The following HPS4 variants were observed in gnomAD, a reference collection of about 807,000 sequenced individuals.
HPS4 encodes the protein BLOC-3 complex member HPS4.
A neutral mutation model predicts 70.3 loss-of-function variants in HPS4; 44 were observed. That is an observed-to-expected ratio of 0.63 (90% CI 0.49 to 0.80). HPS4 has a LOEUF of 0.80. Among genes scored for constraint, HPS4 ranks in the 30% least tolerant of loss-of-function variants. HPS4 has a pLI of 0.00. For synonymous variants in HPS4, 377 were observed against 355.9 expected (o/e 1.06, Z -0.67); for missense variants, 873 against 884.4 (o/e 0.99, Z 0.16).
At chr22:26,454,608 GACCTAAA>G (rs2085759660) in intron 13 of HPS4, among the ~76,000 whole-genome samples, 1 of 152,140 alleles carries the variant, frequency 6.6e-6, no homozygotes, top group South Asian at 2.1e-4. Context: ...TTACATGTTA[GACCTAAA>G]ACCATAAAAA....
intron 6 of HPS4, among the ~76,000 whole-genome samples, chr22:26,471,604 G>A (rs908374689): frequency 2.0e-5 from 3 of 152,170 alleles, no homozygotes; most frequent in Non-Finnish European, 4.4e-5. Context: ...ATAAAGCTCT[G>A]GGGCCAGCTA....
chr22:26,448,171 G>A (rs150719005), downstream of HPS4, among the ~76,000 whole-genome samples: 16 of 152,280 alleles, frequency 1.1e-4, no homozygotes, highest in South Asian at 4.1e-4. Context: ...ACACCCCTCC[G>A]GCCCCCAGGT....
downstream of HPS4, among the ~76,000 whole-genome samples, chr22:26,447,344 C>A (rs976936004): frequency 6.6e-6 from 1 of 152,054 alleles, no homozygotes; most frequent in Non-Finnish European, 1.5e-5. Flanking sequence ...GAGTCCTGAA[C>A]GCAGCTCTGC....
At chr22:26,462,050 G>A (rs1029930922) in intron 11 of HPS4, among the ~76,000 whole-genome samples, 7 of 151,796 alleles carry the variant, frequency 4.6e-5, no homozygotes, top group Non-Finnish European at 1.0e-4. Context: ...CGCTTGAACC[G>A]GGGAGGCGGA....
intron 4 of HPS4, among the ~76,000 whole-genome samples, chr22:26,474,275 C>G (rs556917563): frequency 2.6e-5 from 4 of 152,042 alleles, no homozygotes; most frequent in Non-Finnish European, 5.9e-5. Flanking sequence ...AATAGACCCA[C>G]GCTTAAATGG....
intron 9 of HPS4, 29 bp from the exon 10 acceptor site, chr22:26,465,580 C>G (rs1442974888): frequency 2.6e-6 from 4 of 1,566,446 alleles, no homozygotes; most frequent in Non-Finnish European, 3.5e-6. Context: ...ATGAACAGGA[C>G]TTTCCCCTGA....
intron 4 of HPS4, 66 bp from the exon 5 acceptor site, chr22:26,473,005 GC>G: frequency 7.2e-7 from 1 of 1,395,092 alleles, no homozygotes; most frequent in Non-Finnish European, 1.0e-6. Context: ...CAGAATCCTG[GC>G]ATCCAGGGCT....
At position 26,453,231 on chromosome 22, in the gene HPS4, G is replaced by T. The variant is rs558103922; in HGVS notation, c.*2C>A. 6.2e-7 allele frequency: 1 copy of T among 1,614,140 alleles called. No homozygotes were observed. Among genetic ancestry groups the T allele is most frequent in the African/African-American group, 1.3e-5 (1 of 75,072 alleles). On this transcript the variant is annotated 3_prime_UTR_variant, in exon 14 of 14. Coordinates refer to ENST00000398145, the MANE Select transcript of HPS4 (RefSeq NM_022081.6). ...CCTTCCCAGTCACCTCCTGGGTGCA[G>T]TTCAGAGCAAGTTCACCCCGTGCTT...
Position 26,453,387 on chromosome 22 carries a change from A to G in HPS4, c.1973T>C (p.Val658Ala). Residue 658 changes from valine (V) to alanine (A), a missense_variant, in exon 14 of 14, where the codon GTG becomes GCG. By Grantham distance (64) the Val-to-Ala change is moderately conservative (BLOSUM62 0). Coordinates refer to ENST00000398145, the MANE Select transcript of HPS4 (RefSeq NM_022081.6). ...EMTVRNASTAVYACCNPIQET... is the reference protein window; with the variant it reads ...EMTVRNASTAAYACCNPIQET... ...CTGGATGGGGTTGCAACAGGCGTAC[A>G]CAGCCGTGGAGGCATTTCTGTTGGA... is the stretch of plus-strand genomic sequence containing the variant. 1 of 1,614,102 alleles carries G rather than the reference A, an allele frequency of 6.2e-7. No individual in the cohort carries two copies. Among genetic ancestry groups the G allele is most frequent in the Non-Finnish European group, 8.5e-7 (1 of 1,180,042 alleles).
chr22:26,479,908 CAG>C (rs1032755409), intron 2 of HPS4, among the ~76,000 whole-genome samples: 1 of 152,168 alleles, frequency 6.6e-6, no homozygotes, highest in African/African-American at 2.4e-5. Flanking sequence ...AGGGAAAAAA[CAG>C]GGGCCTATGA....
At chr22:26,469,283 CAAAAAAA>C (rs5844704) in intron 7 of HPS4, among the ~76,000 whole-genome samples, 2 of 105,450 alleles carry the variant, frequency 1.9e-5, no homozygotes, top group South Asian at 3.3e-4. Context: ...CCCATCTCTA[CAAAAAAA>C]AAAAAAAAAA....
At chr22:26,458,372 G>A (rs1225349277) in intron 12 of HPS4, 73 bp downstream of exon 12, 3 of 1,566,930 alleles carry the variant, frequency 1.9e-6, no homozygotes, top group African/African-American at 2.7e-5. Flanking sequence ...ATGATGCTGG[G>A]GCTCAAGTTC....
intron 2 of HPS4, among the ~76,000 whole-genome samples, chr22:26,480,364 G>A (rs1007681624): frequency 2.6e-5 from 4 of 151,908 alleles, no homozygotes; most frequent in African/African-American, 4.8e-5. Context: ...TTATAGAAAC[G>A]AGTCTCACTA....
chr22:26,472,414 C>G lies in HPS4; in HGVS notation c.389G>C (p.Cys130Ser). ...NGPVSLAYENCSQEELSTEWD... is the reference protein window; with the variant it reads ...NGPVSLAYENSSQEELSTEWD... ...CTCCGTGCTCAGTTCTTCCTGAGAA[C>G]AGTTCTAAAACAGAAAGAGCCTCAG... The change falls in exon 6 of 14, where the codon TGT becomes TCT. Residue 130 changes from cysteine to serine, a missense_variant. Physicochemically the swap from Cys to Ser is moderately radical, Grantham distance 112. Transcript: ENST00000398145. 6.3e-7 allele frequency: 1 copy of G among 1,598,462 alleles called. No homozygotes were observed. Among genetic ancestry groups the G allele is most frequent in the Non-Finnish European group, 8.6e-7 (1 of 1,165,704 alleles).
chr22:26,463,377 G>A (rs1373355137), intron 11 of HPS4, among the ~76,000 whole-genome samples: 1 of 152,164 alleles, frequency 6.6e-6, no homozygotes, highest in Non-Finnish European at 1.5e-5. Context: ...ACACTGCGGA[G>A]GAGTTTCCAG....
Position 26,483,747 on chromosome 22 carries a change from G to C in HPS4, c.-552C>G. The C allele has an allele frequency of 4.1e-6, 2 of 493,820 alleles. No individual in the cohort carries two copies. The highest frequency in any genetic ancestry group is 6.1e-5 in the South Asian group (1 of 16,348). The allele number at this position is 493,820 out of a possible 1,614,324, so 30.6% of individuals were successfully genotyped here. On this transcript the variant is annotated 5_prime_UTR_variant, in exon 1 of 14. Coordinates refer to ENST00000398145, the MANE Select transcript of HPS4 (RefSeq NM_022081.6). ...AAATGTGGGCAGCAGCTGGGTACCT[G>C]CGACTTCTGCCCCGTACCTGCGCGC...
intron 7 of HPS4, among the ~76,000 whole-genome samples, chr22:26,470,315 C>G (rs1298338228): frequency 6.6e-6 from 1 of 152,236 alleles, no homozygotes; most frequent in African/African-American, 2.4e-5. Flanking sequence ...CTTTGCAGAG[C>G]TGAGCTGAGG....
At chr22:26,447,917 CTTCT>C (rs1368516485), downstream of HPS4, among the ~76,000 whole-genome samples, 12 of 152,310 alleles carry the variant, frequency 7.9e-5, no homozygotes, top group Non-Finnish European at 1.6e-4. Flanking sequence ...AGGGCACCTG[CTTCT>C]TTGAGCATGG....
At chr22:26,477,157 C>T in intron 3 of HPS4, 21 bp from the exon 4 acceptor site, 1 of 1,613,944 alleles carries the variant, frequency 6.2e-7, no homozygotes, top group South Asian at 1.1e-5. Context: ...GGAGCACATT[C>T]CAGATAGGAA....
Sources: gnomAD v4.1 joint callset for allele counts (sites outside exome capture counted in the v4.1 genomes callset) on GRCh38, gnomAD v4.1.1 for gene constraint, MANE v1.5 for transcripts, NCBI Gene and HGNC (gene_info 2026-07-23, HGNC 2026-07-21) for gene names.